Variants in PRIM2 observed in about 807,000 individuals in gnomAD.
The protein encoded by PRIM2 is DNA primase large subunit.
Under a neutral mutation model 67.3 loss-of-function variants are expected in PRIM2, and 39 were observed. The observed-to-expected ratio is 0.58, with a 90% CI of 0.45 to 0.76. The LOEUF is 0.76. PRIM2 is among the 30% of genes least tolerant of loss of function. PRIM2 has a pLI of 0.00. For missense variants in PRIM2, 398 were observed against 598.7 expected, an observed-to-expected ratio of 0.66 and a Z score of 3.50; for synonymous variants, 143 against 198.7, an observed-to-expected ratio of 0.72 and a Z score of 2.36.
intron 12 of PRIM2, among the ~76,000 whole-genome samples, chr6:57,613,966 CAT>C (rs1776709200): frequency 6.6e-6 from 1 of 152,126 alleles, no homozygotes; most frequent in Non-Finnish European, 1.5e-5. Context: ...ATTCTCCTGC[CAT>C]ATGTCTGCTC....
intron 10 of PRIM2, among the ~76,000 whole-genome samples, chr6:57,573,242 T>C (rs1775895340): frequency 1.3e-5 from 2 of 152,248 alleles, no homozygotes; most frequent in East Asian, 1.9e-4. Flanking sequence ...TAATTTTACA[T>C]GTGTTGTGTT....
At chr6:57,338,929 A>G (rs905295506) in intron 5 of PRIM2, among the ~76,000 whole-genome samples, 3 of 152,220 alleles carry the variant, frequency 2.0e-5, no homozygotes, top group Non-Finnish European at 4.4e-5. Flanking sequence ...CTGTTTGCAG[A>G]TGACATGATT....
At chr6:57,462,547 CA>C (rs1773042131) in intron 7 of PRIM2, among the ~76,000 whole-genome samples, 1 of 152,152 alleles carries the variant, frequency 6.6e-6, no homozygotes, top group African/African-American at 2.4e-5. Flanking sequence ...TGGATTTGGT[CA>C]GGGGTTATGT....
the PRIM2 span, among the ~76,000 whole-genome samples, chr6:57,304,328 A>G: frequency 4.7e-4 from 71 of 152,342 alleles, no homozygotes; most frequent in African/African-American, 1.7e-3. Context: ...ATTGCTTTGA[A>G]AACTGTAGCA....
At chr6:57,260,022 A>G in the PRIM2 span, among the ~76,000 whole-genome samples, 7 of 152,146 alleles carry the variant, frequency 4.6e-5, no homozygotes, top group Non-Finnish European at 7.3e-5. Flanking sequence ...TTCTGTGTCA[A>G]TCTTGCTTCC....
chr6:57,266,239 G>A, the PRIM2 span, among the ~76,000 whole-genome samples: 1 of 152,128 alleles, frequency 6.6e-6, no homozygotes, highest in Non-Finnish European at 1.5e-5. Context: ...GTTTCATGTG[G>A]GCAGCTTCAT....
chr6:57,579,683 G>T (rs1161220935), intron 10 of PRIM2, among the ~76,000 whole-genome samples: 4 of 152,156 alleles, frequency 2.6e-5, no homozygotes, highest in Non-Finnish European at 5.9e-5. Flanking sequence ...ATAGAAAAAG[G>T]TATATTTTAA....
intron 5 of PRIM2, among the ~76,000 whole-genome samples, chr6:57,339,261 G>T (rs375492348): frequency 6.6e-6 from 1 of 152,136 alleles, no homozygotes; most frequent in Non-Finnish European, 1.5e-5. Flanking sequence ...AATCAATATC[G>T]TGAAAACGGC....
At chr6:57,590,934 C>T (rs1582008329) in intron 10 of PRIM2, among the ~76,000 whole-genome samples, 3 of 152,218 alleles carry the variant, frequency 2.0e-5, no homozygotes, top group Admixed American at 6.5e-5. Flanking sequence ...GTAAACTGTC[C>T]AAGGTCACAC....
chr6:57,537,284 G>C (rs1396805109), intron 9 of PRIM2, among the ~76,000 whole-genome samples, 156 bp from the exon 10 acceptor site: 3 of 151,380 alleles, frequency 2.0e-5, no homozygotes, highest in African/African-American at 7.3e-5. Flanking sequence ...ATCTTATACA[G>C]ATAAGAGTCA....
At chr6:57,489,240 GTA>G (rs1439145538) in intron 7 of PRIM2, among the ~76,000 whole-genome samples, 1 of 152,248 alleles carries the variant, frequency 6.6e-6, no homozygotes, top group Non-Finnish European at 1.5e-5. Flanking sequence ...ATTTTTAAGA[GTA>G]TGTGTGGTGT....
At chr6:57,620,781 G>C (rs1776838759) in intron 12 of PRIM2, among the ~76,000 whole-genome samples, 1 of 152,256 alleles carries the variant, frequency 6.6e-6, no homozygotes, top group Admixed American at 6.5e-5. Flanking sequence ...AAAAGGTACA[G>C]AACTGCAGAA....
At chr6:57,259,645 G>A in the PRIM2 span, among the ~76,000 whole-genome samples, 1 of 152,168 alleles carries the variant, frequency 6.6e-6, no homozygotes, top group African/African-American at 2.4e-5. Flanking sequence ...TCACCTTTGT[G>A]GGGTGTAGTG....
chr6:57,314,380 G>A (rs892714308), upstream of PRIM2, among the ~76,000 whole-genome samples: 1 of 152,200 alleles, frequency 6.6e-6, no homozygotes, highest in Non-Finnish European at 1.5e-5. Context: ...GCTGGGCATG[G>A]TGGCAGGCGC....
At chr6:57,332,059 C>T (rs1050942596) in intron 5 of PRIM2, among the ~76,000 whole-genome samples, 4 of 151,962 alleles carry the variant, frequency 2.6e-5, no homozygotes, top group African/African-American at 9.7e-5. Context: ...CCTGTAAGCA[C>T]TACTTCAGAT....
intron 10 of PRIM2, among the ~76,000 whole-genome samples, chr6:57,552,074 A>G (rs1212847249): frequency 2.0e-5 from 3 of 152,100 alleles, no homozygotes; most frequent in South Asian, 2.1e-4. Flanking sequence ...TGGAGGTTTG[A>G]GCTGTAATGC....
intron 10 of PRIM2, among the ~76,000 whole-genome samples, chr6:57,586,094 G>A (rs1776182101): frequency 6.6e-6 from 1 of 152,144 alleles, no homozygotes; most frequent in Non-Finnish European, 1.5e-5. Flanking sequence ...GTGGGTGATT[G>A]TTTTAGAGAT....
chr6:57,262,471 G>A, the PRIM2 span, among the ~76,000 whole-genome samples: 3,073 of 152,198 alleles, frequency 0.02, 102 homozygotes, highest in African/African-American at 0.069. Flanking sequence ...AGTTGCCATC[G>A]TCTTCTGCCC....
At chr6:57,300,917 G>T in the PRIM2 span, among the ~76,000 whole-genome samples, 3 of 152,218 alleles carry the variant, frequency 2.0e-5, no homozygotes, top group African/African-American at 7.2e-5. Context: ...TAATGTTGCT[G>T]TGAGAGAAGG....
Sources: gnomAD v4.1 joint callset for allele counts (sites outside exome capture counted in the v4.1 genomes callset) on GRCh38, gnomAD v4.1.1 for gene constraint, MANE v1.5 for transcripts, NCBI Gene and HGNC (gene_info 2026-07-23, HGNC 2026-07-21) for gene names.